The following PDE11A variants were observed in gnomAD, a reference collection of about 807,000 sequenced individuals.
PDE11A encodes the protein phosphodiesterase 11A, also known as dual 3',5'-cyclic-AMP and -GMP phosphodiesterase 11A.
PDE11A carries 100 observed loss-of-function variants against 100.5 expected under a neutral mutation model. That is an observed-to-expected ratio of 1.00 (90% CI 0.85 to 1.18). The LOEUF is 1.18. Among genes scored for constraint, PDE11A ranks in the 50% most tolerant of loss-of-function variants. The pLI is 0.00. For missense variants in PDE11A, 1,141 were observed against 1,152.6 expected, an observed-to-expected ratio of 0.99 and a Z score of 0.15; for synonymous variants, 381 against 420.8, an observed-to-expected ratio of 0.91 and a Z score of 1.16.
chr2:177,953,284 A>G (rs1367803032), intron 2 of PDE11A: 3 of 152,320 alleles, frequency 2.0e-5, no homozygotes, highest in Admixed American at 2.0e-4. Context: ...TGAGGTTCCT[A>G]CAATTAAAAA....
intron 2 of PDE11A, among the ~76,000 whole-genome samples, chr2:177,972,870 G>C (rs2085789617): frequency 6.6e-6 from 1 of 152,160 alleles, no homozygotes; most frequent in South Asian, 2.1e-4. Context: ...CACTTAGGTG[G>C]GGAAGAAAAG....
At chr2:178,075,158 C>T (rs1243265306), upstream of PDE11A, among the ~76,000 whole-genome samples, 1 of 152,056 alleles carries the variant, frequency 6.6e-6, no homozygotes, top group Non-Finnish European at 1.5e-5. Context: ...GTTACCACCC[C>T]TAGACATGAG....
rs2105472404 is a variant in PDE11A at position 177,747,191 on chromosome 2, G to C, written c.1789-19019C>G. Among the ~76,000 whole-genome samples the C allele has an allele frequency of 1.3e-5, 2 of 152,338 alleles. 1 individual carries two copies. The highest frequency in any genetic ancestry group is 4.1e-4 in the South Asian group (2 of 4,824). ...TGAGGGTAGGATTCTCACTAGTAGA[G>C]AAGAAAGTAAAGAACAACTTGAAAA... On this transcript the variant is annotated intron_variant, in intron 10 of 19. Transcript: ENST00000286063.
chr2:177,757,062 A>G (rs1270602408), intron 10 of PDE11A, among the ~76,000 whole-genome samples: 3 of 152,144 alleles, frequency 2.0e-5, no homozygotes, highest in Non-Finnish European at 2.9e-5. Flanking sequence ...CCATATCTCA[A>G]TTTCTTAATG....
intron 17 of PDE11A, among the ~76,000 whole-genome samples, chr2:177,672,341 G>C (rs1159395421): frequency 6.6e-6 from 1 of 152,228 alleles, no homozygotes; most frequent in Non-Finnish European, 1.5e-5. Context: ...TGGACAGTGT[G>C]AGCAAGAAAT....
chr2:177,712,388 T>G (rs2081370679), intron 12 of PDE11A, among the ~76,000 whole-genome samples: 1 of 149,730 alleles, frequency 6.7e-6, no homozygotes, highest in Non-Finnish European at 1.5e-5. Flanking sequence ...TTTAACATAC[T>G]CAAATTGTTA....
At chr2:178,054,126 G>C (rs568705585) in intron 1 of PDE11A, among the ~76,000 whole-genome samples, 91 of 152,268 alleles carry the variant, frequency 6.0e-4, no homozygotes, top group African/African-American at 2.0e-3. Context: ...AACCAAAACA[G>C]CATGGTACTG....
intron 2 of PDE11A, among the ~76,000 whole-genome samples, chr2:177,969,435 A>AT (rs1313256474): frequency 6.6e-6 from 1 of 152,112 alleles, no homozygotes; most frequent in Non-Finnish European, 1.5e-5. Context: ...AAGTAAAATA[A>AT]TAAAAAAAAA....
intron 2 of PDE11A, chr2:177,922,842 C>A (rs1169479893): frequency 2.8e-5 from 28 of 983,784 alleles, no homozygotes; most frequent in Non-Finnish European, 3.0e-5. Flanking sequence ...TTCTTGTATT[C>A]CAGTCACAAT....
At chr2:178,070,882 A>C (rs1366960894) in intron 1 of PDE11A, among the ~76,000 whole-genome samples, 1 of 152,222 alleles carries the variant, frequency 6.6e-6, no homozygotes, top group South Asian at 2.1e-4. Context: ...TAGCCCCTCT[A>C]TCTGTCCAAT....
chr2:177,635,525 C>G (rs979548864), intron 19 of PDE11A, among the ~76,000 whole-genome samples: 11 of 152,172 alleles, frequency 7.2e-5, no homozygotes, highest in African/African-American at 1.9e-4. Flanking sequence ...CTGTTGAGTT[C>G]TCTTGTGACC....
chr2:178,101,342 C>T (rs2087557098), intron 2 of PDE11A, among the ~76,000 whole-genome samples: 1 of 152,200 alleles, frequency 6.6e-6, no homozygotes, highest in African/African-American at 2.4e-5. Flanking sequence ...AAATGAAAAG[C>T]TTCTGAGTCA....
At chr2:178,068,199 C>T (rs1469503110) in intron 1 of PDE11A, among the ~76,000 whole-genome samples, 1 of 151,366 alleles carries the variant, frequency 6.6e-6, no homozygotes, top group Non-Finnish European at 1.5e-5. Flanking sequence ...ACTGCAGTCA[C>T]TATGATCTGG....
intron 9 of PDE11A, among the ~76,000 whole-genome samples, chr2:177,771,199 C>A (rs557977039): frequency 3.3e-5 from 5 of 152,206 alleles, no homozygotes; most frequent in Non-Finnish European, 7.3e-5. Flanking sequence ...CACCTACAAA[C>A]CTTAGAGAAT....
chr2:177,764,579 A>ATCTT (rs1164822498), intron 10 of PDE11A, among the ~76,000 whole-genome samples: 5 of 152,214 alleles, frequency 3.3e-5, no homozygotes, highest in African/African-American at 1.2e-4. Context: ...CACAGCTGGC[A>ATCTT]TCTTTAGGTT....
chr2:177,770,694 C>G (rs549407574), intron 9 of PDE11A, among the ~76,000 whole-genome samples: 4 of 152,314 alleles, frequency 2.6e-5, no homozygotes, highest in African/African-American at 9.6e-5. Flanking sequence ...GGCTCCCCTG[C>G]CCCAGAATTC....
At chr2:177,774,930 T>C (rs2105509578) in intron 9 of PDE11A, among the ~76,000 whole-genome samples, 1 of 152,334 alleles carries the variant, frequency 6.6e-6, no homozygotes, top group Middle Eastern at 3.4e-3. Context: ...AGATGGATTA[T>C]CTTGGATTAT....
intron 5 of PDE11A, among the ~76,000 whole-genome samples, chr2:177,858,021 G>A (rs1302806701): frequency 6.6e-6 from 1 of 151,998 alleles, no homozygotes; most frequent in African/African-American, 2.4e-5. Flanking sequence ...TTAATAAATG[G>A]TGCTGGGAAA....
At chr2:177,878,751 G>A (rs543963249) in intron 4 of PDE11A, among the ~76,000 whole-genome samples, 2 of 152,160 alleles carry the variant, frequency 1.3e-5, no homozygotes, top group Non-Finnish European at 2.9e-5. Context: ...CACAGCTCCA[G>A]TGATCCCACT....
Sources: gnomAD v4.1 joint callset for allele counts (sites outside exome capture counted in the v4.1 genomes callset) on GRCh38, gnomAD v4.1.1 for gene constraint, MANE v1.5 for transcripts, NCBI Gene and HGNC (gene_info 2026-07-23, HGNC 2026-07-21) for gene names.